The following GPHN variants were observed in gnomAD, a reference collection of about 807,000 sequenced individuals.
GPHN encodes the protein gephyrin.
In GPHN, 17 loss-of-function variants were observed where a neutral mutation model predicts 95.5. That is an observed-to-expected ratio of 0.18 (90% confidence interval 0.12 to 0.27). The LOEUF (loss-of-function observed/expected upper bound fraction) is 0.27, where lower values mean the gene tolerates loss of function less well. GPHN is among the 10% of genes least tolerant of loss of function. GPHN has a pLI of 1.00. For synonymous variants in GPHN, 320 were observed against 322.5 expected, an observed-to-expected ratio of 0.99 and a Z score of 0.08; for missense variants, 660 against 978.1, an observed-to-expected ratio of 0.67 and a Z score of 4.34.
At chr14:67,330,095 C>G in the GPHN span, among the ~76,000 whole-genome samples, 1 of 149,938 alleles carries the variant, frequency 6.7e-6, no homozygotes, top group African/African-American at 2.4e-5. Context: ...GCTCTGCTGT[C>G]TGTCAGAAAG....
chr14:66,548,488 G>A (rs976602016), intron 1 of GPHN, among the ~76,000 whole-genome samples: 2 of 152,114 alleles, frequency 1.3e-5, no homozygotes, highest in African/African-American at 2.4e-5. Flanking sequence ...GCCTACTATT[G>A]TAATTGTTTT....
chr14:66,689,838 T>A (rs904236317), intron 2 of GPHN, among the ~76,000 whole-genome samples: 2 of 152,064 alleles, frequency 1.3e-5, no homozygotes, highest in Non-Finnish European at 2.9e-5. Flanking sequence ...TAATAGTCTT[T>A]AATGATTTTT....
the GPHN span, among the ~76,000 whole-genome samples, chr14:67,395,749 C>CA: frequency 3.4e-4 from 52 of 152,308 alleles, no homozygotes; most frequent in Non-Finnish European, 6.2e-4. Flanking sequence ...TGGACACCTC[C>CA]AGTGACAGGA....
chr14:67,251,195 A>G, the GPHN span, among the ~76,000 whole-genome samples: 3 of 152,220 alleles, frequency 2.0e-5, no homozygotes, highest in Non-Finnish European at 4.4e-5. Context: ...TGGTAAGATT[A>G]GAAACTTTTT....
chr14:67,231,621 GTA>G, the GPHN span, among the ~76,000 whole-genome samples: 1 of 152,098 alleles, frequency 6.6e-6, no homozygotes, highest in Non-Finnish European at 1.5e-5. Flanking sequence ...ACATTAGTGT[GTA>G]TATTTATCCA....
intron 1 of GPHN, among the ~76,000 whole-genome samples, chr14:66,672,365 G>C (rs981685082): frequency 3.3e-5 from 5 of 152,140 alleles, no homozygotes; most frequent in African/African-American, 1.2e-4. Context: ...GTTAGTTTGA[G>C]AAGAGTGTCT....
intron 9 of GPHN, among the ~76,000 whole-genome samples, chr14:67,018,923 G>A (rs6573744): frequency 0.24 from 36,953 of 152,078 alleles, 8,929 homozygotes; most frequent in African/African-American, 0.59. Flanking sequence ...ATTCTGGCCT[G>A]CTAAGAGTAA....
At chr14:67,542,433 G>A in the GPHN span, among the ~76,000 whole-genome samples, 1 of 152,212 alleles carries the variant, frequency 6.6e-6, no homozygotes, top group Non-Finnish European at 1.5e-5. Context: ...TTTGGAGCCA[G>A]ACCTAACTTG....
chr14:66,788,453 T>C (rs1047828966), intron 3 of GPHN, among the ~76,000 whole-genome samples: 1 of 152,250 alleles, frequency 6.6e-6, no homozygotes, highest in African/African-American at 2.4e-5. Context: ...GATAACATAC[T>C]GTAAATCATA....
the GPHN span, chr14:67,338,537 A>G: frequency 7.2e-7 from 1 of 1,380,392 alleles, no homozygotes; most frequent in Non-Finnish European, 9.6e-7. Flanking sequence ...CCAAAAAATA[A>G]ATAGCCACAC....
At chr14:67,531,975 G>T in the GPHN span, among the ~76,000 whole-genome samples, 153 of 151,328 alleles carry the variant, frequency 1.0e-3, 1 homozygote, top group African/African-American at 3.4e-3. Flanking sequence ...TCCAGAGAAC[G>T]TGTTTTTGGG....
chr14:67,032,792 G>A (rs1351476030), intron 10 of GPHN, among the ~76,000 whole-genome samples: 1 of 152,074 alleles, frequency 6.6e-6, no homozygotes, highest in Non-Finnish European at 1.5e-5. Context: ...CCCTATATAA[G>A]GCCAGTCTGT....
chr14:67,065,224 T>C (rs2075995457), intron 11 of GPHN, among the ~76,000 whole-genome samples: 1 of 152,240 alleles, frequency 6.6e-6, no homozygotes, highest in Non-Finnish European at 1.5e-5. Flanking sequence ...TTGTTCAGTT[T>C]CCATGTGCTT....
chr14:67,599,807 G>A, the GPHN span, among the ~76,000 whole-genome samples: 3 of 152,186 alleles, frequency 2.0e-5, no homozygotes, highest in Admixed American at 6.5e-5. Context: ...GCCACGGAAG[G>A]GGAATGTACT....
At chr14:66,906,040 C>T (rs1339332529) in intron 5 of GPHN, among the ~76,000 whole-genome samples, 3 of 148,586 alleles carry the variant, frequency 2.0e-5, no homozygotes, top group East Asian at 3.9e-4. Context: ...CTAGGTGACA[C>T]ATTATCCCCA....
intron 17 of GPHN, chr14:67,143,054 A>G (rs1351471210): frequency 2.8e-6 from 1 of 358,830 alleles, no homozygotes; most frequent in East Asian, 6.9e-5. Flanking sequence ...GAATATTCCT[A>G]GGCAAACCAG....
chr14:66,666,553 C>G (rs2065970698), intron 1 of GPHN, among the ~76,000 whole-genome samples: 1 of 152,014 alleles, frequency 6.6e-6, no homozygotes, highest in South Asian at 2.1e-4. Context: ...TCAAGAGATT[C>G]AGAAAAGATT....
chr14:67,212,255 T>C, the GPHN span, among the ~76,000 whole-genome samples: 1 of 152,162 alleles, frequency 6.6e-6, no homozygotes, highest in African/African-American at 2.4e-5. Flanking sequence ...AATTCATTTT[T>C]AACAGTGTAG....
At chr14:67,571,659 C>A in the GPHN span, 1 of 1,364,016 alleles carries the variant, frequency 7.3e-7, no homozygotes, top group Non-Finnish European at 1.0e-6. Flanking sequence ...GTTGGCCACA[C>A]CATGGGCACT....
Sources: gnomAD v4.1 joint callset for allele counts (sites outside exome capture counted in the v4.1 genomes callset) on GRCh38, gnomAD v4.1.1 for gene constraint, MANE v1.5 for transcripts, NCBI Gene and HGNC (gene_info 2026-07-23, HGNC 2026-07-21) for gene names.